N4BP2: variants seen among roughly 807,000 people sequenced by gnomAD.
The protein encoded by N4BP2 is NEDD4 binding protein 2, also known as NEDD4-binding protein 2.
In N4BP2, 91 loss-of-function variants were observed where a neutral mutation model predicts 152.8. That is an observed-to-expected ratio of 0.60 (90% CI 0.50 to 0.71). The LOEUF is 0.71. Among genes scored for constraint, N4BP2 ranks in the 30% least tolerant of loss-of-function variants. The probability of loss-of-function intolerance (pLI) is 0.00; values close to 1 mark genes in which losing one functional copy is unlikely to be tolerated. For missense variants in N4BP2, 1,923 were observed against 2,059.1 expected, an observed-to-expected ratio of 0.93 and a Z score of 1.28; for synonymous variants, 646 against 705.3, an observed-to-expected ratio of 0.92 and a Z score of 1.33.
rs1420642882 is a variant in N4BP2, at chr4:40,156,835, C to G, written c.*2598C>G. ...AGAGCATTTTACATTTGTAGGTTAG[C>G]GATACTCAACAAGTAAATATAATGC... On this transcript the variant is annotated 3_prime_UTR_variant, in exon 18 of 18. Coordinates refer to ENST00000261435, the MANE Select transcript of N4BP2 (RefSeq NM_018177.6). 1 of 152,018 alleles carries G rather than the reference C, an allele frequency of 6.6e-6. No homozygotes were observed. The highest frequency in any genetic ancestry group is 1.5e-5 in the Non-Finnish European group (1 of 67,958). The allele number at this position is 152,018 out of a possible 1,614,324, so 9.4% of individuals were successfully genotyped here. A position where few individuals can be genotyped will look rare whatever the true frequency, so the allele number is the denominator to read the frequency against.
chr4:40,059,225 A>C (rs189266220), intron 1 of N4BP2, among the ~76,000 whole-genome samples: 1 of 152,272 alleles, frequency 6.6e-6, no homozygotes, highest in East Asian at 1.9e-4. Flanking sequence ...ACCATTTATT[A>C]GTTAATGAAT....
intron 13 of N4BP2, among the ~76,000 whole-genome samples, chr4:40,135,893 G>A (rs1036448241): frequency 9.2e-5 from 14 of 152,168 alleles, no homozygotes; most frequent in Admixed American, 3.3e-4. Context: ...AAAAATATTC[G>A]TATATGGTCA....
chr4:40,060,799 C>G (rs1025179915), intron 1 of N4BP2, among the ~76,000 whole-genome samples: 4 of 151,762 alleles, frequency 2.6e-5, no homozygotes, highest in African/African-American at 7.3e-5. Context: ...GAGACAGGGT[C>G]TCGCTGTGTT....
intron 2 of N4BP2, among the ~76,000 whole-genome samples, chr4:40,080,230 G>T (rs1392816478): frequency 6.6e-6 from 1 of 151,702 alleles, no homozygotes; most frequent in Non-Finnish European, 1.5e-5. Context: ...TTAAACCTGA[G>T]CATCACTTAC....
chr4:40,118,814 A>C (rs1307649544), intron 8 of N4BP2, among the ~76,000 whole-genome samples: 1 of 152,232 alleles, frequency 6.6e-6, no homozygotes, highest in East Asian at 1.9e-4. Flanking sequence ...TTGCAATCCA[A>C]GGTAGCACTG....
At position 40,102,939 on chromosome 4, in the gene N4BP2, C is replaced by T. The variant is rs1715843532; in HGVS notation, c.1094C>T (p.Pro365Leu). The T allele has an allele frequency of 6.2e-7, 1 of 1,614,208 alleles. No individual in the cohort carries two copies. The highest frequency in any genetic ancestry group is 8.5e-7 in the Non-Finnish European group (1 of 1,180,048). ...CCGCCACCTCCACCGATGTGGAATC[C>T]AATGATTCCTGCTTTTGACCTCTTC... is the stretch of plus-strand genomic sequence containing the variant. ...PPPPPPPMWN[P>L]MIPAFDLFQG... Residue 365 changes from proline to leucine, a missense_variant, in exon 4 of 18, where the codon CCA becomes CTA. Physicochemically the swap from Pro to Leu is moderately conservative, Grantham distance 98 (BLOSUM62 -3). Transcript: ENST00000261435.
At chr4:40,118,184 C>T (rs965504773) in intron 8 of N4BP2, among the ~76,000 whole-genome samples, 160 bp downstream of exon 8, 22 of 152,012 alleles carry the variant, frequency 1.4e-4, no homozygotes, top group Non-Finnish European at 2.1e-4. Context: ...TTTGGGAGGC[C>T]GAGGCAGGTG....
At chr4:40,185,074 AAC>A in the N4BP2 span, among the ~76,000 whole-genome samples, 4 of 152,206 alleles carry the variant, frequency 2.6e-5, no homozygotes, top group African/African-American at 9.6e-5. Context: ...CTTTAAAAAT[AAC>A]AGTTTTTCTC....
At chr4:40,127,614 TA>T (rs900179403) in intron 12 of N4BP2, among the ~76,000 whole-genome samples, 2 of 151,958 alleles carry the variant, frequency 1.3e-5, no homozygotes, top group Non-Finnish European at 2.9e-5. Context: ...ATATTAGTAA[TA>T]AGAAATGTCT....
intron 4 of N4BP2, among the ~76,000 whole-genome samples, chr4:40,104,992 T>C (rs889278527): frequency 8.6e-5 from 13 of 151,856 alleles, no homozygotes; most frequent in South Asian, 2.1e-4. Context: ...TTAGTAGAGA[T>C]GGGGTTTCAC....
At position 40,102,412 on chromosome 4, in the gene N4BP2, C is replaced by G; in HGVS notation, c.567C>G (p.Pro189=). ...FINPDSSNMT[P]IFSTQNMNLN... is the part of the protein sequence containing the mutation. ...ATCCTGATTCAAGTAATATGACTCC[C>G]ATTTTTTCTACACAAAATATGAATT... The change falls in exon 4 of 18, where the codon CCC becomes CCG. Residue 189 remains proline (P), a synonymous_variant. Coordinates refer to ENST00000261435, the MANE Select transcript of N4BP2 (RefSeq NM_018177.6). 6.2e-7 allele frequency: 1 copy of G among 1,611,114 alleles called. No individual in the cohort carries two copies. The highest frequency in any genetic ancestry group is 2.2e-5 in the East Asian group (1 of 44,862).
intron 8 of N4BP2, among the ~76,000 whole-genome samples, chr4:40,119,356 A>G (rs963813431): frequency 2.6e-5 from 4 of 152,238 alleles, no homozygotes; most frequent in Non-Finnish European, 5.9e-5. Context: ...AAAATTAACT[A>G]AAGTTGAGAG....
intron 16 of N4BP2, among the ~76,000 whole-genome samples, chr4:40,146,331 C>A (rs1720517322): frequency 1.3e-5 from 2 of 151,996 alleles, no homozygotes; most frequent in Non-Finnish European, 2.9e-5. Flanking sequence ...TCAGTCTTGA[C>A]CCCCATACTA....
intron 11 of N4BP2, among the ~76,000 whole-genome samples, chr4:40,125,544 G>C (rs1302098759): frequency 6.6e-6 from 1 of 152,120 alleles, no homozygotes; most frequent in Admixed American, 6.6e-5. Flanking sequence ...TATGTTTTGG[G>C]TTGATATGAT....
At position 40,103,203 on chromosome 4, in the gene N4BP2, A is replaced by C; in HGVS notation, c.1358A>C (p.Lys453Thr). The C allele has an allele frequency of 6.2e-7, 1 of 1,604,488 alleles. No individual in the cohort carries two copies. The change falls in exon 4 of 18, where the codon AAA (lysine) becomes ACA (threonine). Residue 453 changes from lysine (K) to threonine (T), a missense_variant. Physicochemically the swap from Lys to Thr is moderately conservative, Grantham distance 78. Coordinates refer to ENST00000261435, the MANE Select transcript of N4BP2 (RefSeq NM_018177.6). ...CTCAGAGGTCTTCCGGGATCTGGAA[A>C]ATCTTTTTTGGCAAGGTATGAGGTT... ...VLLRGLPGSGKSFLARTLQED... is the reference protein window; with the variant it reads ...VLLRGLPGSGTSFLARTLQED...
chr4:40,188,037 A>G, the N4BP2 span, among the ~76,000 whole-genome samples: 38 of 152,326 alleles, frequency 2.5e-4, no homozygotes, highest in Non-Finnish European at 3.8e-4. Context: ...AGGAGGGAGG[A>G]AAAACAACAA....
the N4BP2 span, among the ~76,000 whole-genome samples, chr4:40,183,655 G>A: frequency 1.3e-5 from 2 of 152,174 alleles, no homozygotes; most frequent in African/African-American, 4.8e-5. Flanking sequence ...CATTTTATAA[G>A]AGGTTGGTAG....
chr4:40,091,229 T>C (rs1714509740), intron 2 of N4BP2, among the ~76,000 whole-genome samples: 1 of 152,120 alleles, frequency 6.6e-6, no homozygotes, highest in East Asian at 1.9e-4. Context: ...TTATTTCTTC[T>C]TCCCTAATCT....
chr4:40,092,329 A>C (rs1173438791), intron 2 of N4BP2, among the ~76,000 whole-genome samples: 1 of 151,176 alleles, frequency 6.6e-6, no homozygotes, highest in African/African-American at 2.4e-5. Context: ...TTTCTTTATA[A>C]ATTATAGTGA....
Sources: gnomAD v4.1 joint callset for allele counts (sites outside exome capture counted in the v4.1 genomes callset) on GRCh38, gnomAD v4.1.1 for gene constraint, MANE v1.5 for transcripts, NCBI Gene and HGNC (gene_info 2026-07-23, HGNC 2026-07-21) for gene names.